Variants in DMC1 observed in about 807,000 individuals in gnomAD.
DMC1 encodes the protein DNA meiotic recombinase 1.
A neutral mutation model predicts 50.1 loss-of-function variants in DMC1; 27 were observed. That is an observed-to-expected ratio of 0.54 (90% confidence interval 0.40 to 0.74). The LOEUF (loss-of-function observed/expected upper bound fraction) is 0.74. DMC1 is among the 30% of genes least tolerant of loss of function. The pLI, the probability that DMC1 is intolerant of heterozygous loss-of-function variation, is 0.00. For synonymous variants in DMC1, 148 were observed against 136.1 expected (o/e 1.09, Z -0.61); for missense variants, 295 against 420.2 (o/e 0.70, Z 2.60).
At chr22:38,528,625 AAAAT>A (rs2090122039) in intron 12 of DMC1, among the ~76,000 whole-genome samples, 1 of 151,938 alleles carries the variant, frequency 6.6e-6, no homozygotes, top group South Asian at 2.1e-4. Flanking sequence ...ATCTGTACAA[AAAAT>A]GCAAAAAATT....
chr22:38,555,456 A>G (rs1285721694), intron 5 of DMC1, 47 bp from the exon 6 acceptor site: 1 of 1,243,830 alleles, frequency 8.0e-7, no homozygotes, highest in Non-Finnish European at 1.2e-6. Flanking sequence ...AAATAGAAAT[A>G]TTAAGAGAGG....
At chr22:38,515,589 A>G (rs2094005891), downstream of DMC1, among the ~76,000 whole-genome samples, 1 of 151,956 alleles carries the variant, frequency 6.6e-6, no homozygotes, top group Non-Finnish European at 1.5e-5. Flanking sequence ...ACCTGAGGTT[A>G]GGATTTCGAG....
chr22:38,561,847 C>T (rs1420092148), intron 5 of DMC1, among the ~76,000 whole-genome samples: 1 of 152,034 alleles, frequency 6.6e-6, no homozygotes, highest in Non-Finnish European at 1.5e-5. Flanking sequence ...GATGATATGT[C>T]TTGGGGATCA....
downstream of DMC1, among the ~76,000 whole-genome samples, chr22:38,514,622 C>T (rs1201964865): frequency 1.3e-5 from 2 of 152,034 alleles, no homozygotes; most frequent in Non-Finnish European, 2.9e-5. Flanking sequence ...AAATAAGCTG[C>T]CCTAAACCTA....
In DMC1 at chr22:38,549,940, T is replaced by C. The variant is rs755107449; in HGVS notation, c.479A>G (p.Asp160Gly). ...GYPGGKIIFI[D>G]TENTFRPDRL... Reference sequence around the variant, plus strand: ...AAAAGGTTACAAAGTATTTTCTGTATCAATGAAGATAATCTTTCCTCCTGG... The same window carrying C: ...AAAAGGTTACAAAGTATTTTCTGTACCAATGAAGATAATCTTTCCTCCTGG... The change falls in exon 8 of 14, where the codon GAT becomes GGT. Residue 160 changes from aspartate (D) to glycine (G), a missense_variant. By Grantham distance (94) the Asp-to-Gly change is moderately conservative. Transcript: ENST00000216024. The C allele has an allele frequency of 1.2e-6, 2 of 1,612,766 alleles. No individual in the cohort carries two copies. Among genetic ancestry groups the C allele is most frequent in the Non-Finnish European group, 1.7e-6 (2 of 1,178,938 alleles).
At chr22:38,522,452 C>T (rs184433115) in intron 12 of DMC1, among the ~76,000 whole-genome samples, 1 of 152,172 alleles carries the variant, frequency 6.6e-6, no homozygotes, top group Admixed American at 6.5e-5. Context: ...ATCCCAGCTA[C>T]TCTGGAGGCT....
chr22:38,534,492 C>T (rs1019214055), intron 12 of DMC1, among the ~76,000 whole-genome samples: 2 of 152,042 alleles, frequency 1.3e-5, no homozygotes, highest in Non-Finnish European at 2.9e-5. Flanking sequence ...CACCTGAGGT[C>T]AGGAGTTCGA....
At chr22:38,523,204 G>A (rs562916878) in intron 12 of DMC1, among the ~76,000 whole-genome samples, 70 of 152,294 alleles carry the variant, frequency 4.6e-4, no homozygotes, top group African/African-American at 1.6e-3. Context: ...GACTAACGGC[G>A]GCAGTTAAGA....
At chr22:38,550,075 C>T in intron 7 of DMC1, 78 bp from the exon 8 acceptor site, 5 of 1,028,910 alleles carry the variant, frequency 4.9e-6, no homozygotes, top group Non-Finnish European at 6.0e-6. Context: ...CACATGGAAT[C>T]TGCTGTTGCA....
chr22:38,560,900 C>A (rs1050002288), intron 5 of DMC1, among the ~76,000 whole-genome samples: 4 of 152,046 alleles, frequency 2.6e-5, no homozygotes, highest in African/African-American at 9.7e-5. Context: ...CATATCATTT[C>A]ATTATAAATA....
intron 8 of DMC1, among the ~76,000 whole-genome samples, chr22:38,548,232 A>G (rs550658982): frequency 2.6e-5 from 4 of 152,262 alleles, no homozygotes; most frequent in South Asian, 2.1e-4. Flanking sequence ...GCTGAATTCA[A>G]TATTTCCCAG....
chr22:38,515,425 A>G (rs944636294), downstream of DMC1, among the ~76,000 whole-genome samples: 21 of 150,200 alleles, frequency 1.4e-4, no homozygotes, highest in African/African-American at 5.1e-4. Context: ...TGCAATGAGC[A>G]GAGATTGCAC....
chr22:38,549,547 C>G (rs2090380555), intron 8 of DMC1: 1 of 187,702 alleles, frequency 5.3e-6, no homozygotes, highest in Admixed American at 6.0e-5. Context: ...TTGATTGAAC[C>G]CAAGAGATGG....
downstream of DMC1, among the ~76,000 whole-genome samples, chr22:38,518,753 A>C (rs969077244): frequency 3.3e-5 from 5 of 152,030 alleles, no homozygotes; most frequent in African/African-American, 1.2e-4. Context: ...GCTGGTCTTC[A>C]AACTCCTGGG....
chr22:38,568,466 T>C (rs1012434821), intron 1 of DMC1, 177 bp from the exon 2 acceptor site: 4 of 588,596 alleles, frequency 6.8e-6, no homozygotes, highest in African/African-American at 6.0e-5. Flanking sequence ...TGTGTGTGTG[T>C]GTGTGTGCAT....
At position 38,529,198 on chromosome 22, in the gene DMC1, ACGGG is replaced by A. The variant is rs569306941; in HGVS notation, c.837-7478_837-7475del. The stretch of plus-strand genomic sequence containing the variant: ...GCTAATTTTTGTATTTTTAGTAGAG[ACGGG>A]GTTTCACCATCTTGGCCAGGCTTGT... On this transcript the variant is annotated intron_variant, in intron 12 of 13. Transcript: ENST00000216024. Among the ~76,000 whole-genome samples the A allele has an allele frequency of 9.1e-3, 1,381 of 151,972 alleles. 13 individuals are homozygous for A. The highest frequency in any genetic ancestry group is 0.031 in the African/African-American group (1,299 of 41,442).
chr22:38,558,610 G>A (rs2090493080), intron 5 of DMC1, among the ~76,000 whole-genome samples: 1 of 152,016 alleles, frequency 6.6e-6, no homozygotes, highest in Non-Finnish European at 1.5e-5. Context: ...AGCTACTCAG[G>A]AGGCTGAGGC....
At chr22:38,539,203 A>G (rs898316441) in intron 9 of DMC1, 118 bp downstream of exon 9, 2 of 750,980 alleles carry the variant, frequency 2.7e-6, no homozygotes. Flanking sequence ...GACTGAGTAA[A>G]TTAATTTAGA....
intron 2 of DMC1, among the ~76,000 whole-genome samples, chr22:38,567,974 G>C (rs182866024): frequency 6.6e-6 from 1 of 152,222 alleles, no homozygotes; most frequent in Non-Finnish European, 1.5e-5. Flanking sequence ...CGGTACCCGT[G>C]TGTGTAGGTA....
Sources: allele counts gnomAD v4.1 joint callset (sites outside exome capture counted in the v4.1 genomes callset), GRCh38; gene constraint gnomAD v4.1.1; transcripts MANE v1.5; gene names NCBI Gene and HGNC (gene_info 2026-07-23, HGNC 2026-07-21).